The following ZNF251 variants were observed in gnomAD, a reference collection of about 807,000 sequenced individuals.
The protein encoded by ZNF251 is zinc finger protein 251.
A neutral mutation model predicts 13.5 loss-of-function variants in ZNF251; 14 were observed. The ratio of observed to expected loss-of-function variants is 1.04; its 90% CI spans 0.69 to 1.63. ZNF251 has a LOEUF of 1.63. Among genes scored for constraint, ZNF251 ranks in the 40% most tolerant of loss-of-function variants. The pLI, the probability that ZNF251 is intolerant of heterozygous loss-of-function variation, is 0.00. For missense variants in ZNF251, 764 were observed against 834.9 expected, an observed-to-expected ratio of 0.92 and a Z score of 1.05; for synonymous variants, 287 against 295.2, an observed-to-expected ratio of 0.97 and a Z score of 0.28.
At chr8:144,726,531 G>A (rs1823521785) in intron 4 of ZNF251, among the ~76,000 whole-genome samples, 1 of 151,722 alleles carries the variant, frequency 6.6e-6, no homozygotes, top group South Asian at 2.1e-4. Flanking sequence ...GTGAGACTCT[G>A]TCTCAAAATA....
chr8:144,741,447 C>T (rs978368777), intron 4 of ZNF251, among the ~76,000 whole-genome samples: 1 of 152,168 alleles, frequency 6.6e-6, no homozygotes, highest in East Asian at 1.9e-4. Flanking sequence ...ACAGAATCCA[C>T]AGTCTCCACT....
intron 4 of ZNF251, chr8:144,738,691 A>G (rs916447626): frequency 4.6e-5 from 45 of 985,142 alleles, no homozygotes; most frequent in Admixed American, 1.2e-4. Context: ...CGTTCAAGGC[A>G]ACCTCGTGGG....
intron 4 of ZNF251, among the ~76,000 whole-genome samples, chr8:144,724,261 CAAAAAAAAAAA>C (rs1175216003): frequency 2.8e-5 from 1 of 35,840 alleles, no homozygotes; most frequent in African/African-American, 7.1e-5. Flanking sequence ...GACTCCGTCT[CAAAAAAAAAAA>C]AAAAAAAAAA....
chr8:144,746,281 C>T (rs2722495), intron 4 of ZNF251, among the ~76,000 whole-genome samples: 68,069 of 152,082 alleles, frequency 0.45, 15,954 homozygotes, highest in Middle Eastern at 0.56. Context: ...TGTGGTACAT[C>T]ACATTACATT....
chr8:144,721,858 T>C lies in ZNF251; in HGVS notation c.1802A>G (p.Asn601Ser). 1 of 1,499,692 alleles carries C rather than the reference T, an allele frequency of 6.7e-7. No individual in the cohort carries two copies. The highest frequency in any genetic ancestry group is 1.4e-5 in the African/African-American group (1 of 71,620). 92.9% of individuals were successfully genotyped at this position (1,499,692 alleles called of 1,614,324 possible). A position where few individuals can be genotyped will look rare whatever the true frequency, so the allele number is the denominator to read the frequency against. Residue 601 changes from asparagine to serine, a missense_variant, in exon 5 of 5, where the codon AAC (asparagine) becomes AGC (serine). Physicochemically the swap from Asn to Ser is conservative, Grantham distance 46. Transcript: ENST00000292562. Reference sequence around the variant, plus strand: ...AAGGGTTGACTTTCCACTGAAGGCGTTTCCACATTCTTGACATTTATAGGG... The same window carrying C: ...AAGGGTTGACTTTCCACTGAAGGCGCTTCCACATTCTTGACATTTATAGGG... ...EKPYKCQECGNAFSGKSTLIQ... is the reference protein window; with the variant it reads ...EKPYKCQECGSAFSGKSTLIQ...
intron 4 of ZNF251, among the ~76,000 whole-genome samples, chr8:144,741,041 T>G (rs140409230): frequency 9.8e-4 from 149 of 152,268 alleles, no homozygotes; most frequent in African/African-American, 3.3e-3. Context: ...GAGGCTGAGT[T>G]CCTCGAAGTG....
chr8:144,755,176 C>A, intron 1 of ZNF251: 1 of 1,173,654 alleles, frequency 8.5e-7, no homozygotes, highest in Admixed American at 4.0e-5. Context: ...GGGATGCTGC[C>A]GAAGGCCCCA....
intron 4 of ZNF251, among the ~76,000 whole-genome samples, chr8:144,750,552 G>T (rs1274580279): frequency 6.6e-6 from 1 of 152,194 alleles, no homozygotes; most frequent in Non-Finnish European, 1.5e-5. Flanking sequence ...GAACAGAATG[G>T]TATATTCCAA....
chr8:144,755,124 G>A (rs1301127714), intron 1 of ZNF251: 5 of 1,218,472 alleles, frequency 4.1e-6, no homozygotes, highest in East Asian at 5.4e-5. Flanking sequence ...CCACGTGAGG[G>A]TGCAGCCTCA....
chr8:144,753,848 G>T, intron 3 of ZNF251, 52 bp from the exon 4 acceptor site: 2 of 1,400,940 alleles, frequency 1.4e-6, no homozygotes, highest in Non-Finnish European at 2.0e-6. Flanking sequence ...GGGCCTTCCA[G>T]GCCAGGTGTG....
intron 4 of ZNF251, among the ~76,000 whole-genome samples, chr8:144,726,893 A>G (rs565430050): frequency 2.8e-4 from 42 of 152,192 alleles, no homozygotes; most frequent in Non-Finnish European, 1.0e-4. Flanking sequence ...AAAGAAAAGA[A>G]AAAAAGAAAA....
intron 4 of ZNF251, among the ~76,000 whole-genome samples, chr8:144,751,345 A>G (rs1477292736): frequency 1.3e-5 from 2 of 152,202 alleles, no homozygotes; most frequent in African/African-American, 4.8e-5. Flanking sequence ...TTTATAAACT[A>G]TATAACTGTT....
At chr8:144,738,746 C>T in intron 4 of ZNF251, 1 of 984,976 alleles carries the variant, frequency 1.0e-6, no homozygotes, top group Non-Finnish European at 1.2e-6. Context: ...TTCAAGGCAA[C>T]CTCGTGGGGG....
At chr8:144,726,697 C>T (rs184212805) in intron 4 of ZNF251, among the ~76,000 whole-genome samples, 5 of 151,570 alleles carry the variant, frequency 3.3e-5, no homozygotes, top group African/African-American at 1.2e-4. Flanking sequence ...GGTGAAACAC[C>T]GTCTCTACTA....
At position 144,749,952 on chromosome 8, in the gene ZNF251, C is replaced by T. The variant is rs138920355; in HGVS notation, c.277+3731G>A. On this transcript the variant is annotated intron_variant, in intron 4 of 4. Transcript: ENST00000292562. ...TAGGCTGGCCTTGAACTCCTGGGCT[C>T]AAGCAATCCTGCTACACTATGAGGA... Among the ~76,000 whole-genome samples, 606 of 149,652 alleles carry T rather than the reference C, an allele frequency of 4.0e-3. 1 individual carries two copies. Among genetic ancestry groups the T allele is most frequent in the Non-Finnish European group, 6.8e-3 (464 of 67,738 alleles).
In ZNF251 at chr8:144,722,471, G is replaced by A. The variant is rs376020478; in HGVS notation, c.1189C>T (p.Arg397Trp). The part of the protein sequence containing the change: ...SQSSSLFLHH[R>W]VHTGEKPYVC... ...TAGGGTTTCTCTCCAGTATGAACCC[G>A]ATGATGGAGGAAAAGGCTTGAGCTC... The change falls in exon 5 of 5, where the codon CGG becomes TGG. Residue 397 changes from arginine (R) to tryptophan (W), a missense_variant. Arg to Trp is a moderately radical substitution (Grantham distance 101, BLOSUM62 -3). Coordinates refer to ENST00000292562, the MANE Select transcript of ZNF251 (RefSeq NM_138367.2). This position sits in a 1 kb window ranked among gnomAD's most constrained non-coding sequence, Gnocchi z 4.8. 17 of 1,613,256 alleles carry A rather than the reference G, an allele frequency of 1.1e-5. No homozygotes were observed. The highest frequency in any genetic ancestry group is 1.3e-5 in the African/African-American group (1 of 74,666).
chr8:144,732,594 C>T (rs4925839), intron 4 of ZNF251, among the ~76,000 whole-genome samples: 95,372 of 151,418 alleles, frequency 0.63, 32,295 homozygotes, highest in African/African-American at 0.88. Flanking sequence ...GGGGGAATCA[C>T]GAGGTCAGGA....
chr8:144,743,942 T>C (rs1389718014), intron 4 of ZNF251, among the ~76,000 whole-genome samples: 1 of 152,104 alleles, frequency 6.6e-6, no homozygotes, highest in Non-Finnish European at 1.5e-5. Context: ...TGGATAATGG[T>C]CATTTATATG....
chr8:144,723,985 C>T (rs562505438), intron 4 of ZNF251, among the ~76,000 whole-genome samples: 6 of 152,124 alleles, frequency 3.9e-5, no homozygotes, highest in East Asian at 1.9e-4. Context: ...GGCTCACGCC[C>T]GTAATCCCAG....
Sources: allele counts gnomAD v4.1 joint callset (sites outside exome capture counted in the v4.1 genomes callset), GRCh38; gene constraint gnomAD v4.1.1; non-coding constraint Gnocchi (gnomAD v3.1); transcripts MANE v1.5; gene names NCBI Gene and HGNC (gene_info 2026-07-23, HGNC 2026-07-21).